The following PIEZO2 variants were observed in gnomAD, a reference collection of about 807,000 sequenced individuals.
The protein encoded by PIEZO2 is piezo-type mechanosensitive ion channel component 2.
In PIEZO2, 172 loss-of-function variants were observed where a neutral mutation model predicts 337.3. The observed-to-expected ratio is 0.51, with a 90% CI of 0.45 to 0.58. PIEZO2 has a LOEUF of 0.58. Ranked by LOEUF, PIEZO2 falls within the 20% of genes least tolerant of loss-of-function variation. The probability of loss-of-function intolerance (pLI) is 0.00; values close to 1 mark genes in which losing one functional copy is unlikely to be tolerated. For missense variants in PIEZO2, 3,028 were observed against 3,391.3 expected (o/e 0.89, Z 2.66); for synonymous variants, 1,251 against 1,228.5 (o/e 1.02, Z -0.38).
Position 10,979,490 on chromosome 18 carries a change from A to G in PIEZO2, c.286+45T>C. 1 of 1,423,030 alleles carries G rather than the reference A, an allele frequency of 7.0e-7. No individual in the cohort carries two copies. Among genetic ancestry groups the G allele is most frequent in the African/African-American group, 1.4e-5 (1 of 70,206 alleles). The allele number at this position is 1,423,030 out of a possible 1,614,324, so 88.2% of individuals were successfully genotyped here. A position where few individuals can be genotyped will look rare whatever the true frequency, so the allele number is the denominator to read the frequency against. The stretch of plus-strand genomic sequence containing the variant: ...CACAGCTTTATTATGCACGTATATA[A>G]AAGAAATAAAAGAAAACAATAAAAG... On this transcript the variant is annotated intron_variant, in intron 3 of 55. Coordinates refer to ENST00000674853, the MANE Select transcript of PIEZO2 (RefSeq NM_001378183.1). This position sits in a 1 kb window ranked among gnomAD's most constrained non-coding sequence, Gnocchi z 4.0.
rs1261366989 is a variant in PIEZO2, at chr18:10,830,783, G to A, written c.918-23509C>T. On this transcript the variant is annotated intron_variant, in intron 7 of 55. Transcript: ENST00000674853. The surrounding 1 kb of genome is among the most constrained non-coding windows in gnomAD (Gnocchi z 4.7). ...AAAAATACTTGCAGACCATCCATCT[G>A]ACAAGGAATTAATAATCAGGATATA... Among the ~76,000 whole-genome samples, 7 of 152,136 alleles carry A rather than the reference G, an allele frequency of 4.6e-5. No individual in the cohort carries two copies. The highest frequency in any genetic ancestry group is 9.7e-5 in the African/African-American group (4 of 41,428).
chr18:10,736,504 G>A (rs1459615947), intron 34 of PIEZO2, 100 bp downstream of exon 34: 2 of 1,444,772 alleles, frequency 1.4e-6, no homozygotes, highest in African/African-American at 2.9e-5. Context: ...GGGGAGCTAT[G>A]ACATATGAAT....
chr18:11,056,282 G>A (rs1329079341), intron 2 of PIEZO2, among the ~76,000 whole-genome samples: 1 of 152,154 alleles, frequency 6.6e-6, no homozygotes, highest in East Asian at 1.9e-4. Context: ...TTCCCAGGGA[G>A]GGATTTTGCT....
chr18:10,681,383 T>C (rs1054519813), intron 51 of PIEZO2, among the ~76,000 whole-genome samples: 1 of 152,232 alleles, frequency 6.6e-6, no homozygotes, highest in Non-Finnish European at 1.5e-5. Context: ...GTAGGCCTAC[T>C]AGTCAAGAGA....
intron 36 of PIEZO2, among the ~76,000 whole-genome samples, chr18:10,721,417 T>C (rs2036305110): frequency 6.6e-6 from 1 of 152,218 alleles, no homozygotes; most frequent in Non-Finnish European, 1.5e-5. Flanking sequence ...CTTTAAGTTA[T>C]TGCTGTCTTT....
In PIEZO2 at chr18:10,940,718, T is replaced by C. The variant is rs753203400; in HGVS notation, c.287-29490A>G. On this transcript the variant is annotated intron_variant, in intron 3 of 55. Transcript: ENST00000674853. This position sits in a 1 kb window ranked among gnomAD's most constrained non-coding sequence, Gnocchi z 5.3. The stretch of plus-strand genomic sequence containing the variant: ...CTCTACTAAAAAGACAAAAATTAGC[T>C]GGGCATGGTGGCTCGCGCCTGTAGT... 5.3e-5 allele frequency among the ~76,000 whole-genome samples: 8 copies of C among 152,070 alleles called. No homozygotes were observed. Among genetic ancestry groups the C allele is most frequent in the Non-Finnish European group, 1.0e-4 (7 of 68,002 alleles).
chr18:10,753,986 C>A (rs949892776), intron 27 of PIEZO2, among the ~76,000 whole-genome samples: 1 of 152,174 alleles, frequency 6.6e-6, no homozygotes, highest in African/African-American at 2.4e-5. Context: ...TAGGGGCCTT[C>A]TGAAGTGTGT....
In PIEZO2 at chr18:10,807,047, A is replaced by T. The variant is rs1362733696; in HGVS notation, c.1080+65T>A. On this transcript the variant is annotated intron_variant, in intron 8 of 55. Transcript: ENST00000674853. Reference sequence around the variant, plus strand: ...ATTAGTCAGTAGAGAACAGGAGTGAATCATTTCACGTGGAGATTCTAGGTT... The same window carrying T: ...ATTAGTCAGTAGAGAACAGGAGTGATTCATTTCACGTGGAGATTCTAGGTT... 97 of 1,433,254 alleles carry T rather than the reference A, an allele frequency of 6.8e-5. 1 individual carries two copies. The Admixed American group carries it at 2.0e-3, about 29-fold the overall frequency. 88.8% of individuals were successfully genotyped at this position (1,433,254 alleles called of 1,614,324 possible).
chr18:10,966,916 C>T (rs1355838440), intron 3 of PIEZO2, among the ~76,000 whole-genome samples: 3 of 151,852 alleles, frequency 2.0e-5, no homozygotes, highest in Non-Finnish European at 2.9e-5. Context: ...GAATGATCTC[C>T]AATTCTATCT....
At chr18:10,995,334 G>A (rs1349996769) in intron 2 of PIEZO2, among the ~76,000 whole-genome samples, 1 of 151,914 alleles carries the variant, frequency 6.6e-6, no homozygotes, top group Non-Finnish European at 1.5e-5. Flanking sequence ...GTTTTTTCTT[G>A]CTAATTTCTT....
At chr18:11,147,409 C>T (rs1483541257) in intron 1 of PIEZO2, among the ~76,000 whole-genome samples, 1 of 152,158 alleles carries the variant, frequency 6.6e-6, no homozygotes. Context: ...AAAAACTCTC[C>T]CGGCAACTGT....
chr18:10,766,375 C>A lies in PIEZO2; in HGVS notation c.2947-3277G>T, dbSNP rs1300537556. Among the ~76,000 whole-genome samples, 1 of 152,126 alleles carries A rather than the reference C, an allele frequency of 6.6e-6. No homozygotes were observed. Among genetic ancestry groups the A allele is most frequent in the Non-Finnish European group, 1.5e-5 (1 of 68,010 alleles). On this transcript the variant is annotated intron_variant, in intron 21 of 55. Transcript: ENST00000674853. This position sits in a 1 kb window ranked among gnomAD's most constrained non-coding sequence, Gnocchi z 6.1. ...ATGACTATGACAAATACCTGGGCCACAACCAACACCTGATGAATTAGAATT... is the reference window on the plus strand; with the variant it reads ...ATGACTATGACAAATACCTGGGCCAAAACCAACACCTGATGAATTAGAATT...
At chr18:10,919,044 A>G (rs2031211683) in intron 3 of PIEZO2, among the ~76,000 whole-genome samples, 2 of 152,056 alleles carry the variant, frequency 1.3e-5, no homozygotes, top group Admixed American at 1.3e-4. Flanking sequence ...TATGTGCTCA[A>G]TTGAATTTTT....
At position 10,880,736 on chromosome 18, in the gene PIEZO2, T is replaced by C. The variant is rs573817905; in HGVS notation, c.330-9321A>G. On this transcript the variant is annotated intron_variant, in intron 4 of 55. Transcript: ENST00000674853. ...GTCTTAAACTTAAATATGACTCTGA[T>C]GCAGGTGTCTTTAGTCACTTGGCTT... 3.0e-4 allele frequency among the ~76,000 whole-genome samples: 46 copies of C among 151,358 alleles called. 1 individual carries two copies. The highest frequency in any genetic ancestry group is 1.0e-3 in the African/African-American group (42 of 41,236).
chr18:11,118,458 A>G lies in PIEZO2; in HGVS notation c.64+30067T>C, dbSNP rs566819447. On this transcript the variant is annotated intron_variant, in intron 1 of 55. Transcript: ENST00000674853. ...AAGATGAGAACAAACTATTCCAAGC[A>G]GCATCAGAACATTATAGAAAATAGT... Among the ~76,000 whole-genome samples the G allele has an allele frequency of 1.4e-4, 22 of 152,372 alleles. No individual in the cohort carries two copies. The South Asian group carries it at 4.6e-3, about 32-fold the overall frequency.
rs954150424 is a variant in PIEZO2, at chr18:10,766,443, G to A, written c.2947-3345C>T. 1.3e-5 allele frequency among the ~76,000 whole-genome samples: 2 copies of A among 152,202 alleles called. No homozygotes were observed. The highest frequency in any genetic ancestry group is 2.4e-5 in the African/African-American group (1 of 41,462). ...GGTCCACGTACATAACAACTGTCCA[G>A]GTGATTCTTACTATCAAGGATTTTG... On this transcript the variant is annotated intron_variant, in intron 21 of 55. Coordinates refer to ENST00000674853, the MANE Select transcript of PIEZO2 (RefSeq NM_001378183.1). This position sits in a 1 kb window ranked among gnomAD's most constrained non-coding sequence, Gnocchi z 6.1.
Position 10,794,980 on chromosome 18 carries a change from C to A in PIEZO2, c.1550G>T (p.Ser517Ile). ...GATCAGCAGCACGAAGGTCAGCCAG[C>A]TGTGATAGGTGATGCTCCAGGCCTC... ...AMMAWSITYH[S>I]WLTFVLLIWS... The change falls in exon 13 of 56, where the codon AGC becomes ATC. Residue 517 changes from serine to isoleucine, a missense_variant. This residue lies in a region of PIEZO2 where 50 missense variants were observed against 88.2 expected (regional missense o/e 0.57). Coordinates refer to ENST00000674853, the MANE Select transcript of PIEZO2 (RefSeq NM_001378183.1). The surrounding 1 kb of genome is among the most constrained non-coding windows in gnomAD (Gnocchi z 6.6). The A allele has an allele frequency of 1.9e-6, 3 of 1,548,052 alleles. No homozygotes were observed. The highest frequency in any genetic ancestry group is 2.6e-6 in the Non-Finnish European group (3 of 1,146,962).
chr18:10,785,617 G>T (rs1316949213), intron 16 of PIEZO2, among the ~76,000 whole-genome samples: 2 of 151,980 alleles, frequency 1.3e-5, no homozygotes, highest in Admixed American at 6.6e-5. Context: ...TCTACCCTGC[G>T]CAAACTGAGA....
rs747856560 is a variant in PIEZO2 at position 10,773,755 on chromosome 18, G to A, written c.2568-126C>T. 2.9e-5 allele frequency: 26 copies of A among 897,072 alleles called. No individual in the cohort carries two copies. The highest frequency in any genetic ancestry group is 4.2e-5 in the Non-Finnish European group (25 of 599,808). The allele number at this position is 897,072 out of a possible 1,614,324, so 55.6% of individuals were successfully genotyped here. On this transcript the variant is annotated intron_variant, in intron 19 of 55. Transcript: ENST00000674853. This position sits in a 1 kb window ranked among gnomAD's most constrained non-coding sequence, Gnocchi z 5.3. ...ATGTACAAAGACCTCACAAGGTGGG[G>A]TGTTAGCGTTTTGTCACTTTCTTTT...
Sources: gnomAD v4.1 joint callset for allele counts (sites outside exome capture counted in the v4.1 genomes callset) on GRCh38, gnomAD v4.1.1 for gene constraint, gnomAD v4.1.1 regional missense constraint, Gnocchi (gnomAD v3.1) non-coding constraint, MANE v1.5 for transcripts, NCBI Gene and HGNC (gene_info 2026-07-23, HGNC 2026-07-21) for gene names.